ITGAE: variants seen among roughly 807,000 people sequenced by gnomAD.
ITGAE encodes integrin alpha-E.
A neutral mutation model predicts 136.5 loss-of-function variants in ITGAE; 99 were observed. The observed-to-expected ratio is 0.73, with a 90% CI of 0.62 to 0.86. The LOEUF (loss-of-function observed/expected upper bound fraction) is 0.86, where lower values mean the gene tolerates loss of function less well. ITGAE is among the 40% of genes least tolerant of loss of function. The pLI is 0.00. For missense variants in ITGAE, 1,447 were observed against 1,515.3 expected (o/e 0.95, Z 0.75); for synonymous variants, 613 against 591.8 (o/e 1.04, Z -0.52).
chr17:3,792,396 C>T (rs950759857), intron 1 of ITGAE, among the ~76,000 whole-genome samples: 6 of 152,180 alleles, frequency 3.9e-5, no homozygotes, highest in African/African-American at 1.2e-4. Flanking sequence ...GGATTACACG[C>T]GTGAGCCACC....
chr17:3,795,826 CCTGTGTGTGCATGTGTGCATCTGT>C (rs1406400627), intron 1 of ITGAE, among the ~76,000 whole-genome samples: 4 of 139,376 alleles, frequency 2.9e-5, no homozygotes, highest in African/African-American at 8.0e-5. Flanking sequence ...CGTGTGCATC[CCTGTGTGTGCATGTGTGCATCTGT>C]GTGTGTGCAT....
At chr17:3,782,875 G>A (rs1305819034) in intron 1 of ITGAE, among the ~76,000 whole-genome samples, 1 of 152,050 alleles carries the variant, frequency 6.6e-6, no homozygotes, top group African/African-American at 2.4e-5. Flanking sequence ...GCACTCTCAC[G>A]GGAAGACACA....
chr17:3,724,361 C>T lies in ITGAE; in HGVS notation c.3085-617G>A, dbSNP rs758427265. On this transcript the variant is annotated intron_variant, in intron 26 of 30. Transcript: ENST00000263087. ...GACTTCCGCCCTTCCCCAGCCGCGA[C>T]TCCGGCCGCCTCAGCCCGGACCTCA... The T allele has an allele frequency of 1.8e-5, 29 of 1,602,044 alleles. No homozygotes were observed. The East Asian group carries it at 6.3e-4, about 35-fold the overall frequency.
rs370474111 is a variant in ITGAE at position 3,725,022 on chromosome 17, G to A, written c.3085-1278C>T. 5.0e-5 allele frequency: 81 copies of A among 1,614,064 alleles called. No individual in the cohort carries two copies. The Middle Eastern group carries it at 1.5e-3, about 29-fold the overall frequency. ...CCGCTTTAAAAAGGGCCAAAAGCTG[G>A]GAAAAGATTCGTTCCCCACCCAGGA... On this transcript the variant is annotated intron_variant, in intron 26 of 30. Transcript: ENST00000263087.
intron 1 of ITGAE, among the ~76,000 whole-genome samples, chr17:3,788,590 G>A (rs1271821375): frequency 4.0e-5 from 6 of 148,756 alleles, no homozygotes; most frequent in Non-Finnish European, 8.9e-5. Context: ...GTGAGCCACT[G>A]TGCCCAGCCT....
chr17:3,765,861 C>T lies in ITGAE; in HGVS notation c.156-1901G>A, dbSNP rs191943519. The stretch of plus-strand genomic sequence containing the variant: ...GCCGGCACACTCTCCCTAGTGATCC[C>T]TTCCAAGCCCATGGCTTCAATACAC... On this transcript the variant is annotated intron_variant, in intron 2 of 30. Coordinates refer to ENST00000263087, the MANE Select transcript of ITGAE (RefSeq NM_002208.5). 7.4e-4 allele frequency among the ~76,000 whole-genome samples: 113 copies of T among 152,288 alleles called. No homozygotes were observed. In the East Asian group the frequency reaches 0.019, roughly 26 times the overall value.
At chr17:3,716,565 AG>A in intron 30 of ITGAE, 122 bp downstream of exon 30, 3 of 667,484 alleles carry the variant, frequency 4.5e-6, no homozygotes, top group Non-Finnish European at 8.1e-6. Context: ...TTGAAGGAGG[AG>A]AAAAAAGTGG....
intron 20 of ITGAE, among the ~76,000 whole-genome samples, chr17:3,738,411 C>T (rs1418269656): frequency 2.0e-5 from 3 of 152,122 alleles, no homozygotes; most frequent in Admixed American, 1.3e-4. Flanking sequence ...CCTCATGATC[C>T]GCCTACCTCT....
Position 3,714,786 on chromosome 17 carries a change from A to G in ITGAE, c.*61T>C. The G allele has an allele frequency of 1.1e-6, 1 of 908,738 alleles. No individual in the cohort carries two copies. Among genetic ancestry groups the G allele is most frequent in the Non-Finnish European group, 1.8e-6 (1 of 558,556 alleles). The allele number at this position is 908,738 out of a possible 1,614,324, so 56.3% of individuals were successfully genotyped here. On this transcript the variant is annotated 3_prime_UTR_variant, in exon 31 of 31. Coordinates refer to ENST00000263087, the MANE Select transcript of ITGAE (RefSeq NM_002208.5). Reference sequence around the variant, plus strand: ...CATCCTGAAGGAAAAAGTAATGCAAAGGATGCTGGGTCTCCAAGTCCCAGG... The same window carrying G: ...CATCCTGAAGGAAAAAGTAATGCAAGGGATGCTGGGTCTCCAAGTCCCAGG...
chr17:3,793,684 GACT>G (rs1299867559), intron 1 of ITGAE, among the ~76,000 whole-genome samples: 1 of 152,182 alleles, frequency 6.6e-6, no homozygotes. Flanking sequence ...GAGTAGCTGG[GACT>G]ACAGGCACAT....
At chr17:3,739,762 G>A in intron 20 of ITGAE, 43 bp downstream of exon 20, 1 of 1,549,012 alleles carries the variant, frequency 6.5e-7, no homozygotes, top group Non-Finnish European at 8.9e-7. Context: ...CAAGCGTTCG[G>A]GAGAAGGTTA....
intron 2 of ITGAE, among the ~76,000 whole-genome samples, chr17:3,777,073 G>A (rs2052559299): frequency 6.6e-6 from 1 of 151,118 alleles, no homozygotes; most frequent in Non-Finnish European, 1.5e-5. Flanking sequence ...CCATTCTCCT[G>A]CCTCAGCCTC....
chr17:3,775,997 A>T (rs1039382037), intron 2 of ITGAE, among the ~76,000 whole-genome samples: 1 of 152,004 alleles, frequency 6.6e-6, no homozygotes, highest in African/African-American at 2.4e-5. Flanking sequence ...GATGATATTT[A>T]AAAAATGTAA....
intron 27 of ITGAE, 83 bp from the exon 28 acceptor site, chr17:3,723,466 C>T (rs2051103488): frequency 9.0e-7 from 1 of 1,108,502 alleles, no homozygotes; most frequent in Non-Finnish European, 1.4e-6. Flanking sequence ...CACAGAGCAT[C>T]GTAAGGTCCC....
At position 3,723,756 on chromosome 17, in the gene ITGAE, G is replaced by T. The variant is rs758778239; in HGVS notation, c.3085-12C>A. The T allele has an allele frequency of 6.2e-7, 1 of 1,606,384 alleles. No homozygotes were observed. The highest frequency in any genetic ancestry group is 1.7e-5 in the Admixed American group (1 of 58,700). On this transcript the variant is annotated splice_polypyrimidine_tract_variant and intron_variant, in intron 26 of 30. Transcript: ENST00000263087. ...CACACCGTGGAGGCCTGAAACGAGA[G>T]CCATGACCGCGACGCGCTGAACAAA... is the stretch of plus-strand genomic sequence containing the variant.
rs1229578330 is a variant in ITGAE, at chr17:3,799,795, G to T, written c.34+1316C>A. Among the ~76,000 whole-genome samples, 3 of 152,200 alleles carry T rather than the reference G, an allele frequency of 2.0e-5. No homozygotes were observed. The highest frequency in any genetic ancestry group is 7.2e-5 in the African/African-American group (3 of 41,444). ...ATAAAAGGAAGTTCAACAAACTGTT[G>T]ACCTTTCCATGGTGACTATTCTGAT... On this transcript the variant is annotated intron_variant, in intron 1 of 30. Transcript: ENST00000263087. The surrounding 1 kb of genome is among the most constrained non-coding windows in gnomAD (Gnocchi z 4.1).
intron 8 of ITGAE, 123 bp from the exon 9 acceptor site, chr17:3,757,982 A>C: frequency 8.5e-7 from 1 of 1,172,680 alleles, no homozygotes; most frequent in Non-Finnish European, 1.2e-6. Context: ...CGAAAGACCC[A>C]GAGAAGGGGG....
chr17:3,751,503 C>A, intron 15 of ITGAE, 147 bp downstream of exon 15: 2 of 687,908 alleles, frequency 2.9e-6, no homozygotes, highest in Non-Finnish European at 4.9e-6. Context: ...TCCCCCTAGC[C>A]TGGGGGACTT....
chr17:3,725,624 C>T, intron 26 of ITGAE: 2 of 1,612,936 alleles, frequency 1.2e-6, no homozygotes, highest in Non-Finnish European at 1.7e-6. Flanking sequence ...ACTCAGTGCA[C>T]TGTGTCCAGG....
Sources: allele counts gnomAD v4.1 joint callset (sites outside exome capture counted in the v4.1 genomes callset), GRCh38; gene constraint gnomAD v4.1.1; non-coding constraint Gnocchi (gnomAD v3.1); transcripts MANE v1.5; gene names NCBI Gene and HGNC (gene_info 2026-07-23, HGNC 2026-07-21).